Variants in CUX1 observed in about 807,000 individuals in gnomAD.
CUX1 encodes the protein protein CASP.
Under a neutral mutation model 158.8 loss-of-function variants are expected in CUX1, and 31 were observed. That is an observed-to-expected ratio of 0.20 (90% confidence interval 0.15 to 0.26). CUX1 has a LOEUF of 0.26. Ranked by LOEUF, CUX1 falls within the 10% of genes least tolerant of loss-of-function variation. The pLI is 1.00. For synonymous variants in CUX1, 879 were observed against 862.1 expected, an observed-to-expected ratio of 1.02 and a Z score of -0.34; for missense variants, 1,589 against 2,014.6, an observed-to-expected ratio of 0.79 and a Z score of 4.04.
intron 1 of CUX1, among the ~76,000 whole-genome samples, chr7:101,871,173 C>T (rs866688556): frequency 5.7e-4 from 86 of 152,144 alleles, no homozygotes; most frequent in African/African-American, 2.0e-3. Context: ...GGAGATCCTG[C>T]TACATTTTCC....
At position 102,257,160 on chromosome 7, in the gene CUX1, G is replaced by A; in HGVS notation, c.*8118G>A. 1 of 985,358 alleles carries A rather than the reference G, an allele frequency of 1.0e-6. No individual in the cohort carries two copies. Among genetic ancestry groups the A allele is most frequent in the Non-Finnish European group, 1.2e-6 (1 of 829,922 alleles). The allele number at this position is 985,358 out of a possible 1,614,324, so 61.0% of individuals were successfully genotyped here. On this transcript the variant is annotated 3_prime_UTR_variant, in exon 24 of 24. Transcript: ENST00000292535. Reference sequence around the variant, plus strand: ...AAACTTACCCCAGGCCAAGGCAAGGGCCCTGCTCACCCCAAGGTAGGCTGG... The same window carrying A: ...AAACTTACCCCAGGCCAAGGCAAGGACCCTGCTCACCCCAAGGTAGGCTGG...
At chr7:102,199,628 CA>C (rs1795184500) in intron 16 of CUX1, among the ~76,000 whole-genome samples, 1 of 152,242 alleles carries the variant, frequency 6.6e-6, no homozygotes, top group Non-Finnish European at 1.5e-5. Flanking sequence ...GATTGATAGA[CA>C]ATCAGCCTCA....
intron 18 of CUX1, among the ~76,000 whole-genome samples, chr7:102,279,073 G>A (rs911688876): frequency 6.6e-6 from 1 of 152,192 alleles, no homozygotes; most frequent in East Asian, 1.9e-4. Flanking sequence ...GGGCATGGTG[G>A]CTCAGGCCTG....
Position 102,239,540 on chromosome 7 carries a change from C to T in CUX1, c.3843C>T (p.Leu1281=), listed in dbSNP as rs1799939611. Residue 1281 remains leucine (L), a synonymous_variant, in exon 23 of 24, where the codon CTC becomes CTT. Transcript: ENST00000292535. ...CCATCGAAGACCTCGCCACCCAGCT[C>T]AACCTGAAAACCAGCACCGTCATCA... is the stretch of plus-strand genomic sequence containing the variant. ...PKTIEDLATQ[L]NLKTSTVINW... The T allele has an allele frequency of 1.9e-6, 3 of 1,614,100 alleles. No homozygotes were observed. The highest frequency in any genetic ancestry group is 2.5e-6 in the Non-Finnish European group (3 of 1,179,946).
At chr7:102,073,854 T>C (rs1223827360) in intron 4 of CUX1, among the ~76,000 whole-genome samples, 1 of 152,220 alleles carries the variant, frequency 6.6e-6, no homozygotes, top group East Asian at 1.9e-4. Context: ...GCAGTTTAAA[T>C]TGATGGATGG....
intron 3 of CUX1, among the ~76,000 whole-genome samples, chr7:102,056,909 T>TG (rs1347381498): frequency 6.9e-6 from 1 of 145,672 alleles, no homozygotes; most frequent in East Asian, 2.1e-4. Context: ...GTTTTCTGGT[T>TG]TTTTTTTTTT....
intron 11 of CUX1, among the ~76,000 whole-genome samples, chr7:102,186,595 A>ATT (rs781912833): frequency 0.1 from 12,998 of 128,482 alleles, 726 homozygotes; most frequent in Non-Finnish European, 0.14. Context: ...ATATATATAT[A>ATT]TTTTTTTTTA....
At chr7:102,189,020 G>T (rs1448586796) in intron 11 of CUX1, among the ~76,000 whole-genome samples, 3 of 152,124 alleles carry the variant, frequency 2.0e-5, no homozygotes, top group African/African-American at 7.2e-5. Flanking sequence ...GGCTGTCAGG[G>T]AAGCCACCAA....
chr7:102,111,824 G>T (rs1830919791), intron 7 of CUX1, 50 bp downstream of exon 7: 1 of 1,555,156 alleles, frequency 6.4e-7, no homozygotes, highest in African/African-American at 1.4e-5. Flanking sequence ...GACCCAGGGG[G>T]AGAGTTGGGT....
Position 102,257,898 on chromosome 7 carries a change from CTTTTTT to C in CUX1, c.*8867_*8872del. Reference sequence around the variant, plus strand: ...GAAAAAAGGAAAAAAAAAAAGTCGTCTTTTTTTTTTTTTTTTGTACAAATCGCTTTG... The same window carrying C: ...GAAAAAAGGAAAAAAAAAAAGTCGTCTTTTTTTTTTGTACAAATCGCTTTG... On this transcript the variant is annotated 3_prime_UTR_variant, in exon 24 of 24. Coordinates refer to ENST00000292535, the MANE Select transcript of CUX1 (RefSeq NM_181552.4). 1.1e-6 allele frequency: 1 copy of C among 893,042 alleles called. No homozygotes were observed. Among genetic ancestry groups the C allele is most frequent in the Non-Finnish European group, 1.3e-6 (1 of 758,660 alleles). The allele number at this position is 893,042 out of a possible 1,614,324, so 55.3% of individuals were successfully genotyped here. A position where few individuals can be genotyped will look rare whatever the true frequency, so the allele number is the denominator to read the frequency against.
intron 1 of CUX1, among the ~76,000 whole-genome samples, chr7:101,889,258 C>CAAAAA (rs55853593): frequency 1.2e-4 from 14 of 112,696 alleles, no homozygotes; most frequent in South Asian, 2.9e-4. Context: ...GACCCTGTCT[C>CAAAAA]AAAAAAAAAA....
chr7:102,119,138 G>A (rs986651111), intron 8 of CUX1, among the ~76,000 whole-genome samples: 2 of 152,210 alleles, frequency 1.3e-5, no homozygotes, highest in Admixed American at 6.5e-5. Context: ...TCGAGAGATA[G>A]AAGCTATTCC....
At chr7:102,056,374 A>G (rs1193231620) in intron 3 of CUX1, among the ~76,000 whole-genome samples, 2 of 152,170 alleles carry the variant, frequency 1.3e-5, no homozygotes, top group Non-Finnish European at 1.5e-5. Flanking sequence ...TTAGGGGATA[A>G]TGCAGCTGGT....
At chr7:101,990,977 C>T (rs557211782) in intron 2 of CUX1, among the ~76,000 whole-genome samples, 6 of 152,212 alleles carry the variant, frequency 3.9e-5, no homozygotes, top group East Asian at 1.9e-4. Flanking sequence ...TATGTATTTC[C>T]GCATCTTTAC....
At chr7:102,139,772 C>T (rs782378605) in intron 8 of CUX1, among the ~76,000 whole-genome samples, 1 of 152,174 alleles carries the variant, frequency 6.6e-6, no homozygotes. Flanking sequence ...CTGCCTCACC[C>T]CCTTAAGTGG....
chr7:101,893,290 G>A (rs1801099950), intron 1 of CUX1, among the ~76,000 whole-genome samples: 1 of 150,114 alleles, frequency 6.7e-6, no homozygotes, highest in Non-Finnish European at 1.5e-5. Context: ...TTACAGGCAT[G>A]AGCAACTGCG....
Position 102,104,566 on chromosome 7 carries a change from AC to A in CUX1, c.530+111del, listed in dbSNP as rs1235811900. On this transcript the variant is annotated intron_variant, in intron 6 of 23. Coordinates refer to ENST00000292535, the MANE Select transcript of CUX1 (RefSeq NM_181552.4). ...ATCTGCAAAATAAGCCCAGGTTGTAACCCCAAATCTATAAGGGGTAAAATGT... is the reference window on the plus strand; with the variant it reads ...ATCTGCAAAATAAGCCCAGGTTGTAACCCAAATCTATAAGGGGTAAAATGT... The A allele has an allele frequency of 2.1e-6, 3 of 1,434,910 alleles. No individual in the cohort carries two copies. The African/African-American group carries it at 4.3e-5, about 20-fold the overall frequency. The allele number at this position is 1,434,910 out of a possible 1,614,324, so 88.9% of individuals were successfully genotyped here.
Position 101,876,692 on chromosome 7 carries a change from T to TA in CUX1, c.31-39412dup, listed in dbSNP as rs879720033. On this transcript the variant is annotated intron_variant, in intron 1 of 23. Coordinates refer to ENST00000292535, the MANE Select transcript of CUX1 (RefSeq NM_181552.4). ...CCTGGCAACATAGCAAAACTCCGTCTAAAAAAAAAAAGAAAAATGAAAAAG... is the reference window on the plus strand; with the variant it reads ...CCTGGCAACATAGCAAAACTCCGTCTAAAAAAAAAAAAGAAAAATGAAAAAG... Among the ~76,000 whole-genome samples the TA allele has an allele frequency of 1.7e-4, 24 of 141,602 alleles. 1 individual carries two copies. Among genetic ancestry groups the TA allele is most frequent in the African/African-American group, 2.9e-4 (11 of 38,564 alleles). The allele number at this position is 141,602 out of a possible 152,430, so 92.9% of individuals were successfully genotyped here. A position where few individuals can be genotyped will look rare whatever the true frequency, so the allele number is the denominator to read the frequency against.
chr7:102,130,114 C>T (rs1471813615), intron 8 of CUX1, among the ~76,000 whole-genome samples: 2 of 152,156 alleles, frequency 1.3e-5, no homozygotes, highest in African/African-American at 2.4e-5. Flanking sequence ...CTCCAATTGC[C>T]AGAAAGACAG....
Sources: gnomAD v4.1 joint callset for allele counts (sites outside exome capture counted in the v4.1 genomes callset) on GRCh38, gnomAD v4.1.1 for gene constraint, MANE v1.5 for transcripts, NCBI Gene and HGNC (gene_info 2026-07-23, HGNC 2026-07-21) for gene names.